Variants in AP2A1 observed in about 807,000 individuals in gnomAD.
The protein encoded by AP2A1 is adaptor related protein complex 2 subunit alpha 1, also known as AP-2 complex subunit alpha-1.
Under a neutral mutation model 107.3 loss-of-function variants are expected in AP2A1, and 21 were observed. The observed-to-expected ratio is 0.20, with a 90% CI of 0.14 to 0.28. The LOEUF is 0.28. Ranked by LOEUF, AP2A1 falls within the 10% of genes least tolerant of loss-of-function variation. The pLI is 1.00. For synonymous variants in AP2A1, 602 were observed against 564.8 expected, an observed-to-expected ratio of 1.07 and a Z score of -0.93; for missense variants, 873 against 1,307.7, an observed-to-expected ratio of 0.67 and a Z score of 5.13.
intron 20 of AP2A1, 43 bp from the exon 21 acceptor site, chr19:49,805,829 T>G (rs752989380): frequency 9.5e-6 from 8 of 845,740 alleles, no homozygotes; most frequent in Non-Finnish European, 7.3e-6. Context: ...GGTGGGCGGG[T>G]CGGGCCGTCC....
At chr19:49,802,566 T>A (rs745870176) in intron 15 of AP2A1, 8 of 1,590,058 alleles carry the variant, frequency 5.0e-6, no homozygotes, top group African/African-American at 1.3e-5. Context: ...GAGAGCCCCA[T>A]GGCTTTGCTG....
Position 49,806,359 on chromosome 19 carries a change from C to T in AP2A1, c.2790+106C>T, listed in dbSNP as rs1181567698. ...CTTTAATTCACGTCCCCACTTTGAC[C>T]CTCCTCCTCTCACATTTCTTTGTCC... On this transcript the variant is annotated intron_variant, in intron 22 of 22. Transcript: ENST00000354293. 3 of 508,964 alleles carry T rather than the reference C, an allele frequency of 5.9e-6. No individual in the cohort carries two copies. The Admixed American group carries it at 2.6e-4, about 44-fold the overall frequency. The allele number at this position is 508,964 out of a possible 1,614,324, so 31.5% of individuals were successfully genotyped here.
Position 49,805,772 on chromosome 19 carries a change from G to C in AP2A1, c.2580G>C (p.Leu860=). The C allele has an allele frequency of 2.5e-6, 4 of 1,599,164 alleles. No individual in the cohort carries two copies. Among genetic ancestry groups the C allele is most frequent in the Non-Finnish European group, 3.4e-6 (4 of 1,173,690 alleles). The change falls in exon 20 of 23, where the codon CTG becomes CTC. Residue 860 remains leucine, a synonymous_variant. Coordinates refer to ENST00000354293, the MANE Select transcript of AP2A1 (RefSeq NM_130787.3). ...AQDFFQRWKQ[L]SLPQQEAQKI... is the part of the protein sequence containing the mutation. ...ATTTCTTCCAGCGCTGGAAGCAGCT[G>C]AGCCTGTGAGGGGTGGGGAGGGGGC... is the stretch of plus-strand genomic sequence containing the variant.
Position 49,798,924 on chromosome 19 carries a change from A to ACG in AP2A1, c.938_939insGC (p.Ile314ProfsTer114). ...CGCCAAGAACGCCATCCTCTTCGAG[A>ACG]CCATCAGCCTCATCATCCACTATGA... On this transcript the variant is annotated frameshift_variant, in exon 8 of 23. Coordinates refer to ENST00000354293, the MANE Select transcript of AP2A1 (RefSeq NM_130787.3). LOFTEE classifies it high-confidence loss of function. The ACG allele has an allele frequency of 6.4e-7, 1 of 1,554,666 alleles. No individual in the cohort carries two copies. Among genetic ancestry groups the ACG allele is most frequent in the Non-Finnish European group, 8.7e-7 (1 of 1,148,800 alleles).
Position 49,801,647 on chromosome 19 carries a change from C to T in AP2A1, c.1785+26C>T, listed in dbSNP as rs1401449799. On this transcript the variant is annotated intron_variant, in intron 13 of 22. Transcript: ENST00000354293. Reference sequence around the variant, plus strand: ...GTCAGAGCCCTGTCCCCCCACCCCACCCCTCTTGCACACCCCCTTCCCGCC... The same window carrying T: ...GTCAGAGCCCTGTCCCCCCACCCCATCCCTCTTGCACACCCCCTTCCCGCC... The T allele has an allele frequency of 1.9e-6, 3 of 1,549,508 alleles. No homozygotes were observed. The South Asian group carries it at 3.5e-5, about 18-fold the overall frequency.
chr19:49,776,361 C>G (rs1188192936), intron 1 of AP2A1, among the ~76,000 whole-genome samples: 2 of 152,110 alleles, frequency 1.3e-5, no homozygotes, highest in African/African-American at 4.8e-5. Context: ...ATCTTTTGAT[C>G]CTCAGATCCC....
Position 49,799,467 on chromosome 19 carries a change from A to C in AP2A1, c.1106A>C (p.His369Pro). ...TTCTCCCATGAAGCCGTCAAGACGC[A>C]CATTGACACCGTCATCAATGCCCTC... ...SEFSHEAVKT[H>P]IDTVINALKT... Residue 369 changes from histidine (H) to proline (P), a missense_variant, in exon 9 of 23, where the codon CAC (histidine) becomes CCC (proline). This residue lies in a region of AP2A1 where 213 missense variants were observed against 443.5 expected (regional missense o/e 0.48). Transcript: ENST00000354293. The C allele has an allele frequency of 6.2e-7, 1 of 1,611,824 alleles. No homozygotes were observed. Among genetic ancestry groups the C allele is most frequent in the Non-Finnish European group, 8.5e-7 (1 of 1,179,452 alleles).
chr19:49,804,447 A>C (rs1209588306), intron 18 of AP2A1: 2 of 151,606 alleles, frequency 1.3e-5, no homozygotes, highest in Non-Finnish European at 2.9e-5. Flanking sequence ...AGGCTGAGGC[A>C]GGAGAGTGGC....
chr19:49,806,381 G>C, intron 22 of AP2A1, 128 bp downstream of exon 22: 5 of 1,437,316 alleles, frequency 3.5e-6, no homozygotes, highest in Non-Finnish European at 4.6e-6. Context: ...ACATTTCTTT[G>C]TCCACTTTTA....
intron 7 of AP2A1, among the ~76,000 whole-genome samples, chr19:49,797,725 C>CA (rs981519123): frequency 2.0e-4 from 29 of 147,046 alleles, no homozygotes; most frequent in East Asian, 1.4e-3. Flanking sequence ...GACTCTGTCT[C>CA]AAAAAAAAAT....
chr19:49,771,099 C>T (rs1027004357), intron 1 of AP2A1, among the ~76,000 whole-genome samples: 3 of 151,658 alleles, frequency 2.0e-5, no homozygotes, highest in East Asian at 3.9e-4. Flanking sequence ...TGATCCACTA[C>T]CCCAGCCTTC....
chr19:49,781,874 G>GC, intron 2 of AP2A1, 49 bp downstream of exon 2: 1 of 1,610,022 alleles, frequency 6.2e-7, no homozygotes, highest in Non-Finnish European at 8.5e-7. Flanking sequence ...GGGGCTGGGA[G>GC]CTGGGGCTCC....
intron 15 of AP2A1, 83 bp downstream of exon 15, chr19:49,802,224 G>GCCCCCCCCCCCCCCCCCCCCCCCCC: frequency 2.6e-6 from 3 of 1,137,314 alleles, no homozygotes; most frequent in Admixed American, 2.0e-5. Context: ...TTTTCCCTGA[G>GCCCCCCCCCCCCCCCCCCCCCCCCC]CCCCTCCCCC....
At chr19:49,802,189 T>C in intron 15 of AP2A1, 48 bp downstream of exon 15, 1 of 1,465,818 alleles carries the variant, frequency 6.8e-7, no homozygotes, top group Non-Finnish European at 9.2e-7. Context: ...CCCCCAGGGC[T>C]GTCCCTTCTC....
intron 4 of AP2A1, among the ~76,000 whole-genome samples, chr19:49,786,822 C>T (rs563154415): frequency 6.6e-5 from 10 of 152,236 alleles, no homozygotes; most frequent in African/African-American, 2.2e-4. Flanking sequence ...GGGAGGCCAC[C>T]GTGGCCAACA....
chr19:49,772,595 A>G (rs1243064781), intron 1 of AP2A1, among the ~76,000 whole-genome samples: 8 of 151,134 alleles, frequency 5.3e-5, no homozygotes, highest in Non-Finnish European at 7.4e-5. Context: ...TCCCGGGTTC[A>G]TGCCATTCTC....
rs1418425703 is a variant in AP2A1, at chr19:49,787,338, G to GTT, written c.474-4590_474-4589dup. ...ACTCCCATCTAGGCTTTTTTTGTTT[G>GTT]TTTTTTTTGTTTTTTGTTTTTTTTT... On this transcript the variant is annotated intron_variant, in intron 4 of 22. Transcript: ENST00000354293. Among the ~76,000 whole-genome samples, 607 of 89,642 alleles carry GTT rather than the reference G, an allele frequency of 6.8e-3. 28 individuals are homozygous for GTT. The highest frequency in any genetic ancestry group is 0.013 in the African/African-American group (271 of 20,294). The allele number at this position is 89,642 out of a possible 152,430, so 58.8% of individuals were successfully genotyped here.
intron 1 of AP2A1, 145 bp downstream of exon 1, chr19:49,767,345 T>G: frequency 9.7e-7 from 1 of 1,026,394 alleles, no homozygotes. Flanking sequence ...GGAAGAACTT[T>G]AGAGTGGGGG....
intron 5 of AP2A1, 81 bp from the exon 6 acceptor site, chr19:49,792,910 G>A (rs2073164682): frequency 8.1e-6 from 10 of 1,241,594 alleles, no homozygotes; most frequent in South Asian, 1.3e-5. Context: ...CACACATCCC[G>A]ACCCTGTCCC....
Sources: gnomAD v4.1 joint callset for allele counts (sites outside exome capture counted in the v4.1 genomes callset) on GRCh38, gnomAD v4.1.1 for gene constraint, gnomAD v4.1.1 regional missense constraint, MANE v1.5 for transcripts, NCBI Gene and HGNC (gene_info 2026-07-23, HGNC 2026-07-21) for gene names.